Variants in KSR1 observed in about 807,000 individuals in gnomAD.
KSR1 encodes kinase suppressor of ras 1.
In KSR1, 35 loss-of-function variants were observed where a neutral mutation model predicts 92.9. The observed-to-expected ratio is 0.38, with a 90% CI of 0.29 to 0.50. The LOEUF (loss-of-function observed/expected upper bound fraction) is 0.50, where lower values mean the gene tolerates loss of function less well. Among genes scored for constraint, KSR1 ranks in the 20% least tolerant of loss-of-function variants. KSR1 has a pLI of 0.94. For synonymous variants in KSR1, 467 were observed against 472.6 expected (o/e 0.99, Z 0.15); for missense variants, 972 against 1,158.5 (o/e 0.84, Z 2.34).
At chr17:27,604,787 T>C in intron 13 of KSR1, 59 bp downstream of exon 13, 1 of 1,553,440 alleles carries the variant, frequency 6.4e-7, no homozygotes, top group Non-Finnish European at 8.9e-7. Context: ...CTTCCCCATC[T>C]CAGAATGCGC....
intron 1 of KSR1, among the ~76,000 whole-genome samples, chr17:27,457,468 G>T (rs1567731503): frequency 6.6e-6 from 1 of 152,224 alleles, no homozygotes; most frequent in African/African-American, 2.4e-5. Context: ...TGCTTAAAAT[G>T]TATTAATAAT....
At position 27,592,415 on chromosome 17, in the gene KSR1, C is replaced by T; in HGVS notation, c.1185C>T (p.Phe395=). ...TKEAPACRIS[F]LPLTRLRRTE... is the part of the protein sequence containing the mutation. ...AAGCCCCTGCCTGTAGAATATCCTTCCTGCCACGTGAGTTTTCTGCCTTCC... is the reference window on the plus strand; with the variant it reads ...AAGCCCCTGCCTGTAGAATATCCTTTCTGCCACGTGAGTTTTCTGCCTTCC... The change falls in exon 8 of 21, where the codon TTC becomes TTT. Residue 395 remains phenylalanine (F), a synonymous_variant. Coordinates refer to ENST00000644974, the MANE Select transcript of KSR1 (RefSeq NM_001394583.1). 6.2e-7 allele frequency: 1 copy of T among 1,613,916 alleles called. No individual in the cohort carries two copies.
intron 19 of KSR1, among the ~76,000 whole-genome samples, chr17:27,617,958 C>T (rs550442590): frequency 6.6e-6 from 1 of 152,284 alleles, no homozygotes; most frequent in Non-Finnish European, 1.5e-5. Context: ...AGGTGAGCAC[C>T]TCCAGTTTGC....
intron 10 of KSR1, among the ~76,000 whole-genome samples, chr17:27,598,832 G>A (rs947268856): frequency 9.2e-5 from 14 of 152,114 alleles, no homozygotes; most frequent in African/African-American, 2.2e-4. Flanking sequence ...CTCTTTGGTC[G>A]TGGCAGCACC....
At chr17:27,561,175 T>G (rs1399509302) in intron 2 of KSR1, among the ~76,000 whole-genome samples, 2 of 152,224 alleles carry the variant, frequency 1.3e-5, no homozygotes, top group East Asian at 3.8e-4. Context: ...GATGGCAGGA[T>G]GAAGATTCAA....
chr17:27,515,262 G>A (rs541663984), intron 1 of KSR1, among the ~76,000 whole-genome samples: 8 of 152,334 alleles, frequency 5.3e-5, no homozygotes, highest in Non-Finnish European at 1.0e-4. Context: ...GTGTATGACA[G>A]TAATCCCATA....
intron 9 of KSR1, among the ~76,000 whole-genome samples, chr17:27,592,932 A>G (rs912812128): frequency 6.6e-6 from 1 of 152,218 alleles, no homozygotes; most frequent in Non-Finnish European, 1.5e-5. Flanking sequence ...TGAAGGGTAC[A>G]TATGGATCCA....
intron 17 of KSR1, 104 bp downstream of exon 17, chr17:27,610,302 G>A: frequency 1.3e-6 from 2 of 1,499,362 alleles, no homozygotes; most frequent in Non-Finnish European, 9.1e-7. Context: ...TGAAAACCCA[G>A]GCTCTGGAGT....
chr17:27,515,038 C>T (rs2069736710), intron 1 of KSR1, among the ~76,000 whole-genome samples: 1 of 152,110 alleles, frequency 6.6e-6, no homozygotes, highest in Non-Finnish European at 1.5e-5. Flanking sequence ...TGAACAAAAT[C>T]AGGGATTCCC....
intron 1 of KSR1, among the ~76,000 whole-genome samples, chr17:27,503,898 CTGT>C (rs2069281875): frequency 6.6e-6 from 1 of 152,188 alleles, no homozygotes; most frequent in South Asian, 2.1e-4. Context: ...GAGGTAACCT[CTGT>C]TGTTTATACT....
At chr17:27,471,741 A>G (rs1681305474) in intron 1 of KSR1, among the ~76,000 whole-genome samples, 1 of 152,196 alleles carries the variant, frequency 6.6e-6, no homozygotes, top group African/African-American at 2.4e-5. Flanking sequence ...CTGGAATATA[A>G]GAGTGAATGA....
Position 27,605,518 on chromosome 17 carries a change from C to A in KSR1, c.1699C>A (p.Arg567=), listed in dbSNP as rs779116900. 27 of 1,599,084 alleles carry A rather than the reference C, an allele frequency of 1.7e-5. No individual in the cohort carries two copies. Among genetic ancestry groups the A allele is most frequent in the Non-Finnish European group, 2.0e-5 (24 of 1,173,842 alleles). ...CTTGCCGAGCTCTCGCCGGCCCTGG[C>A]GGGGCCCCATCTCTCGCAAGGCCAG... The part of the protein sequence containing the change: ...DDLPSSRRPW[R]GPISRKASQT... Residue 567 remains arginine (R), a synonymous_variant, in exon 14 of 21, where the codon CGG becomes AGG. Coordinates refer to ENST00000644974, the MANE Select transcript of KSR1 (RefSeq NM_001394583.1).
At chr17:27,461,985 G>A (rs1002645169) in intron 1 of KSR1, among the ~76,000 whole-genome samples, 1 of 140,302 alleles carries the variant, frequency 7.1e-6, no homozygotes, top group Non-Finnish European at 1.6e-5. Flanking sequence ...CTTTTTAAAA[G>A]GCCATCCTTT....
At position 27,577,451 on chromosome 17, in the gene KSR1, G is replaced by A. The variant is rs545537117; in HGVS notation, c.373-41G>A. ...AGGCTGAGGGGCTCCCGGCCCAGCC[G>A]ACTGCTCACCGCCTCTCTGCCTGTC... On this transcript the variant is annotated intron_variant, in intron 2 of 20. Transcript: ENST00000644974. The surrounding 1 kb of genome is among the most constrained non-coding windows in gnomAD (Gnocchi z 4.5). 1.6e-3 allele frequency: 2,056 copies of A among 1,292,842 alleles called. 1 individual carries two copies. Among genetic ancestry groups the A allele is most frequent in the Non-Finnish European group, 2.0e-3 (1,869 of 926,506 alleles). The allele number at this position is 1,292,842 out of a possible 1,614,324, so 80.1% of individuals were successfully genotyped here.
chr17:27,503,711 A>G (rs1406527881), intron 1 of KSR1, among the ~76,000 whole-genome samples: 1 of 152,202 alleles, frequency 6.6e-6, no homozygotes, highest in Non-Finnish European at 1.5e-5. Context: ...AACTATGAGC[A>G]GAAAGAAACA....
At chr17:27,589,922 A>G (rs1289993113) in intron 6 of KSR1, among the ~76,000 whole-genome samples, 1 of 152,254 alleles carries the variant, frequency 6.6e-6, no homozygotes, top group East Asian at 1.9e-4. Flanking sequence ...TATTTTATAC[A>G]AACAAATATG....
chr17:27,466,640 G>T (rs1443157611), intron 1 of KSR1, among the ~76,000 whole-genome samples: 2 of 152,234 alleles, frequency 1.3e-5, no homozygotes, highest in Non-Finnish European at 2.9e-5. Flanking sequence ...CAGGGGGTTT[G>T]GGGGAGAGGG....
At chr17:27,483,791 G>C (rs904589102) in intron 1 of KSR1, 5 of 152,402 alleles carry the variant, frequency 3.3e-5, no homozygotes, top group African/African-American at 1.2e-4. Context: ...GCTGCTGACA[G>C]CTCATAGCTG....
intron 1 of KSR1, among the ~76,000 whole-genome samples, chr17:27,477,730 T>A (rs2068388846): frequency 6.6e-6 from 1 of 151,720 alleles, no homozygotes; most frequent in South Asian, 2.1e-4. Flanking sequence ...TTTTTTTTTT[T>A]GAGACAGGGT....
Sources: gnomAD v4.1 joint callset for allele counts (sites outside exome capture counted in the v4.1 genomes callset) on GRCh38, gnomAD v4.1.1 for gene constraint, Gnocchi (gnomAD v3.1) non-coding constraint, MANE v1.5 for transcripts, NCBI Gene and HGNC (gene_info 2026-07-23, HGNC 2026-07-21) for gene names.